SYN2: variants seen among roughly 807,000 people sequenced by gnomAD.
SYN2 encodes the protein synapsin-2.
In SYN2, 19 loss-of-function variants were observed where a neutral mutation model predicts 50.9. The observed-to-expected ratio is 0.37, with a 90% CI of 0.26 to 0.55. The LOEUF (loss-of-function observed/expected upper bound fraction) is 0.55. Ranked by LOEUF, SYN2 falls within the 20% of genes least tolerant of loss-of-function variation. SYN2 has a pLI of 0.81. For synonymous variants in SYN2, 255 were observed against 224.9 expected (o/e 1.13, Z -1.20); for missense variants, 587 against 576.4 (o/e 1.02, Z -0.19).
At chr3:12,135,245 A>G (rs1263697385) in intron 1 of SYN2, among the ~76,000 whole-genome samples, 1 of 152,134 alleles carries the variant, frequency 6.6e-6, no homozygotes, top group Non-Finnish European at 1.5e-5. Context: ...GGCGCTCACA[A>G]ACTTGCACCA....
chr3:12,088,184 A>G (rs1695752104), intron 1 of SYN2, among the ~76,000 whole-genome samples: 1 of 150,534 alleles, frequency 6.6e-6, no homozygotes, highest in African/African-American at 2.5e-5. Flanking sequence ...TTAATATCCA[A>G]AATATATAAG....
intron 1 of SYN2, among the ~76,000 whole-genome samples, chr3:12,035,010 C>A (rs1204978425): frequency 1.3e-5 from 2 of 152,160 alleles, no homozygotes; most frequent in East Asian, 3.9e-4. Flanking sequence ...AGCCGTGAGC[C>A]TGTGAAATCG....
intron 1 of SYN2, among the ~76,000 whole-genome samples, chr3:12,112,732 C>T (rs1696350163): frequency 6.6e-6 from 1 of 151,466 alleles, no homozygotes; most frequent in South Asian, 2.1e-4. Context: ...CAGACTAAAA[C>T]ATAAACCTAT....
intron 1 of SYN2, among the ~76,000 whole-genome samples, chr3:12,122,134 G>C (rs1252971956): frequency 1.3e-5 from 2 of 152,152 alleles, no homozygotes; most frequent in Non-Finnish European, 2.9e-5. Flanking sequence ...GGGTACCATA[G>C]CCTAGCCAAG....
intron 10 of SYN2, among the ~76,000 whole-genome samples, chr3:12,176,399 A>C (rs903012627): frequency 1.3e-5 from 2 of 152,262 alleles, no homozygotes; most frequent in Non-Finnish European, 2.9e-5. Context: ...TTGCTCATGC[A>C]GGAATTTCAG....
intron 1 of SYN2, among the ~76,000 whole-genome samples, chr3:12,057,797 G>T (rs1011782310): frequency 6.6e-6 from 1 of 152,104 alleles, no homozygotes; most frequent in Non-Finnish European, 1.5e-5. Flanking sequence ...AAAAAATATA[G>T]TGGAAATACT....
At chr3:12,094,014 G>A (rs1023086772) in intron 1 of SYN2, among the ~76,000 whole-genome samples, 13 of 151,898 alleles carry the variant, frequency 8.6e-5, no homozygotes, top group Admixed American at 5.9e-4. Flanking sequence ...ATGCCACCAC[G>A]CCCAGAATTT....
chr3:12,164,531 G>A (rs1028676072), intron 7 of SYN2, among the ~76,000 whole-genome samples: 1 of 152,006 alleles, frequency 6.6e-6, no homozygotes, highest in African/African-American at 2.4e-5. Context: ...CCAAGATTAG[G>A]CTTGGGATTC....
intron 5 of SYN2, chr3:12,158,658 C>A: frequency 6.2e-7 from 1 of 1,605,208 alleles, no homozygotes. Flanking sequence ...TACTAATCCC[C>A]CACAACCACC....
At chr3:12,145,284 CCTAG>C (rs2125219412) in intron 3 of SYN2, among the ~76,000 whole-genome samples, 1 of 152,240 alleles carries the variant, frequency 6.6e-6, no homozygotes, top group Admixed American at 6.5e-5. Flanking sequence ...TGCCTATAGT[CCTAG>C]CTACTTGAGA....
intron 1 of SYN2, among the ~76,000 whole-genome samples, chr3:12,048,349 G>A (rs1245609868): frequency 3.3e-5 from 5 of 152,036 alleles, no homozygotes; most frequent in African/African-American, 1.2e-4. Flanking sequence ...TGTATTTTTT[G>A]TAGAGACAGG....
intron 1 of SYN2, among the ~76,000 whole-genome samples, chr3:12,130,336 C>T (rs1230296792): frequency 6.6e-6 from 1 of 151,984 alleles, no homozygotes; most frequent in African/African-American, 2.4e-5. Context: ...ATGGGAAACC[C>T]AGGAGAGCTA....
At chr3:12,067,966 G>A (rs1050114172) in intron 1 of SYN2, among the ~76,000 whole-genome samples, 1 of 152,192 alleles carries the variant, frequency 6.6e-6, no homozygotes, top group African/African-American at 2.4e-5. Flanking sequence ...GCTGAAGTGG[G>A]AGGATCACCT....
At chr3:12,089,488 T>C (rs1007957975) in intron 1 of SYN2, among the ~76,000 whole-genome samples, 4 of 152,106 alleles carry the variant, frequency 2.6e-5, no homozygotes, top group Non-Finnish European at 2.9e-5. Context: ...CCAAACCATA[T>C]CAATGCGCAA....
rs565048859 is a variant in SYN2 at position 12,100,833 on chromosome 3, T to C, written c.378-39818T>C. On this transcript the variant is annotated intron_variant, in intron 1 of 12. Coordinates refer to ENST00000621198, the MANE Select transcript of SYN2 (RefSeq NM_133625.6). ...TTAAATAGACATTTCTCTAAAGAAC[T>C]TGTACAAATGGCCATGAACATCTAC... 5.0e-4 allele frequency among the ~76,000 whole-genome samples: 76 copies of C among 152,116 alleles called. 1 individual carries two copies. The highest frequency in any genetic ancestry group is 1.6e-3 in the African/African-American group (68 of 41,512).
At chr3:12,138,184 G>A (rs975404927) in intron 1 of SYN2, among the ~76,000 whole-genome samples, 2 of 152,240 alleles carry the variant, frequency 1.3e-5, no homozygotes, top group African/African-American at 4.8e-5. Flanking sequence ...TTCTCCAGAA[G>A]AGGGCTCTGT....
At chr3:12,167,496 T>G (rs1697831890) in intron 8 of SYN2, among the ~76,000 whole-genome samples, 188 bp downstream of exon 8, 1 of 152,038 alleles carries the variant, frequency 6.6e-6, no homozygotes, top group South Asian at 2.1e-4. Context: ...ATGATAGAGT[T>G]AAAGACTGCA....
intron 1 of SYN2, among the ~76,000 whole-genome samples, chr3:12,051,760 G>A (rs1196140326): frequency 6.6e-6 from 1 of 152,206 alleles, no homozygotes; most frequent in Non-Finnish European, 1.5e-5. Context: ...TGGGTCAGTT[G>A]TCAAGAATGT....
intron 1 of SYN2, among the ~76,000 whole-genome samples, chr3:12,123,094 A>G (rs931237548): frequency 1.3e-5 from 2 of 152,200 alleles, no homozygotes; most frequent in East Asian, 3.9e-4. Flanking sequence ...AGCAAAGTGA[A>G]GAGACATGGA....
Sources: gnomAD v4.1 joint callset for allele counts (sites outside exome capture counted in the v4.1 genomes callset) on GRCh38, gnomAD v4.1.1 for gene constraint, MANE v1.5 for transcripts, NCBI Gene and HGNC (gene_info 2026-07-23, HGNC 2026-07-21) for gene names.